The following PDE9A variants were observed in gnomAD, a reference collection of about 807,000 sequenced individuals.
PDE9A encodes high affinity cGMP-specific 3',5'-cyclic phosphodiesterase 9A.
A neutral mutation model predicts 87.4 loss-of-function variants in PDE9A; 60 were observed. The observed-to-expected ratio is 0.69, with a 90% CI of 0.56 to 0.85. The LOEUF (loss-of-function observed/expected upper bound fraction) is 0.85, where lower values mean the gene tolerates loss of function less well. PDE9A is among the 40% of genes least tolerant of loss of function. PDE9A has a pLI of 0.00. For synonymous variants in PDE9A, 272 were observed against 279.4 expected (o/e 0.97, Z 0.27); for missense variants, 665 against 779.0 (o/e 0.85, Z 1.74).
Position 42,732,130 on chromosome 21 carries a change from G to C in PDE9A, c.497+6G>C. 6.2e-7 allele frequency: 1 copy of C among 1,613,304 alleles called. No homozygotes were observed. Among genetic ancestry groups the C allele is most frequent in the Non-Finnish European group, 8.5e-7 (1 of 1,179,342 alleles). On this transcript the variant is annotated splice_donor_region_variant and intron_variant, in intron 6 of 19. Transcript: ENST00000291539. ...GTTGCAGAGCAGTTCTCAAGGTACA[G>C]AGTCTTCTAAACTTACAACCAGCCA...
intron 1 of PDE9A, among the ~76,000 whole-genome samples, chr21:42,679,806 A>G (rs1033293059): frequency 1.3e-5 from 2 of 152,198 alleles, no homozygotes; most frequent in African/African-American, 4.8e-5. Context: ...CCCTTAACCC[A>G]GAGGCCCTGG....
At chr21:42,724,632 G>T in intron 4 of PDE9A, 4 of 979,092 alleles carry the variant, frequency 4.1e-6, no homozygotes, top group Non-Finnish European at 2.4e-6. Flanking sequence ...ATATTCCATC[G>T]GTGTAAGTAC....
Position 42,759,106 on chromosome 21 carries a change from CGG to C in PDE9A, c.897+22_897+23del. The stretch of plus-strand genomic sequence containing the variant: ...GGCTGGTGAGTGCCAAACCCGCCTT[CGG>C]TTCTTCCTGGGCACGTGGTTTCATC... On this transcript the variant is annotated intron_variant, in intron 11 of 19. Coordinates refer to ENST00000291539, the MANE Select transcript of PDE9A (RefSeq NM_002606.3). This position sits in a 1 kb window ranked among gnomAD's most constrained non-coding sequence, Gnocchi z 7.2. 1 of 1,580,164 alleles carries C rather than the reference CGG, an allele frequency of 6.3e-7. No individual in the cohort carries two copies. The highest frequency in any genetic ancestry group is 8.7e-7 in the Non-Finnish European group (1 of 1,149,316).
At chr21:42,774,087 T>TATAA (rs1216817401) in intron 19 of PDE9A, among the ~76,000 whole-genome samples, 7 of 151,780 alleles carry the variant, frequency 4.6e-5, no homozygotes, top group Non-Finnish European at 1.0e-4. Context: ...TCAAAAAAAA[T>TATAA]ATAAATAAAT....
intron 15 of PDE9A, among the ~76,000 whole-genome samples, chr21:42,766,905 CA>C (rs2056459766): frequency 6.6e-6 from 1 of 152,206 alleles, no homozygotes; most frequent in East Asian, 1.9e-4. Context: ...GGCAGGATGC[CA>C]GAGGATCGGG....
intron 15 of PDE9A, among the ~76,000 whole-genome samples, chr21:42,766,279 C>T (rs754267951): frequency 2.0e-5 from 3 of 152,116 alleles, no homozygotes; most frequent in Non-Finnish European, 2.9e-5. Context: ...GAGCCATGGT[C>T]GTTCCACTGC....
intron 3 of PDE9A, among the ~76,000 whole-genome samples, chr21:42,690,750 G>A (rs2059781263): frequency 6.6e-6 from 1 of 151,942 alleles, no homozygotes; most frequent in South Asian, 2.1e-4. Context: ...TCTCCATGGT[G>A]GCCTCCCAAT....
In PDE9A at chr21:42,704,433, A is replaced by AACACACACAC. The variant is rs34581078; in HGVS notation, c.262+5450_262+5459dup. ...CAGGTAGACCCCCCCCACCCCACCA[A>AACACACACAC]ACACACACACACACACACACACACA... On this transcript the variant is annotated intron_variant, in intron 4 of 19. Coordinates refer to ENST00000291539, the MANE Select transcript of PDE9A (RefSeq NM_002606.3). This position sits in a 1 kb window ranked among gnomAD's most constrained non-coding sequence, Gnocchi z 5.3. Among the ~76,000 whole-genome samples, 7,659 of 137,004 alleles carry AACACACACAC rather than the reference A, an allele frequency of 0.056. 331 individuals are homozygous for AACACACACAC. The highest frequency in any genetic ancestry group is 0.16 in the East Asian group (734 of 4,578). 89.9% of individuals were successfully genotyped at this position (137,004 alleles called of 152,430 possible).
In PDE9A at chr21:42,759,382, C is replaced by CGTGT. The variant is rs34695329; in HGVS notation, c.897+309_897+312dup. Among the ~76,000 whole-genome samples, 12,948 of 149,134 alleles carry CGTGT rather than the reference C, an allele frequency of 0.087. 840 individuals are homozygous for CGTGT. Among genetic ancestry groups the CGTGT allele is most frequent in the African/African-American group, 0.19 (7,510 of 40,272 alleles). On this transcript the variant is annotated intron_variant, in intron 11 of 19. Transcript: ENST00000291539. This position sits in a 1 kb window ranked among gnomAD's most constrained non-coding sequence, Gnocchi z 7.2. ...GTCCTAAAGCAGCGGTGTGTGGGAG[C>CGTGT]GTGTGTGTGTGTGTGGGAGCGTGTG... is the stretch of plus-strand genomic sequence containing the variant.
At chr21:42,737,239 A>G in intron 7 of PDE9A, among the ~76,000 whole-genome samples, 1 of 152,376 alleles carries the variant, frequency 6.6e-6, no homozygotes, top group East Asian at 1.9e-4. Context: ...CTACATATGC[A>G]CACACACATA....
intron 1 of PDE9A, among the ~76,000 whole-genome samples, chr21:42,661,443 T>C (rs528317489): frequency 3.9e-4 from 51 of 131,082 alleles, no homozygotes; most frequent in African/African-American, 1.4e-3. Flanking sequence ...TCTATCTCCA[T>C]GAAACTGCTG....
At chr21:42,703,997 T>C (rs1376274489) in intron 4 of PDE9A, among the ~76,000 whole-genome samples, 2 of 152,190 alleles carry the variant, frequency 1.3e-5, no homozygotes, top group Non-Finnish European at 2.9e-5. Context: ...TTCAGGAGCA[T>C]TCGGCCCAGG....
At chr21:42,753,870 A>G (rs2147018163) in intron 9 of PDE9A, 120 bp from the exon 10 acceptor site, 2 of 600,254 alleles carry the variant, frequency 3.3e-6, no homozygotes, top group South Asian at 4.3e-5. Context: ...TCAAAAAAAA[A>G]AAAAAAAAGA....
rs756718972 is a variant in PDE9A, at chr21:42,770,721, G to A, written c.1609G>A (p.Glu537Lys). Residue 537 changes from glutamate (E) to lysine (K), a missense_variant, in exon 18 of 20, where the codon GAG (glutamate) becomes AAG (lysine). Transcript: ENST00000291539. ...TVTKLFPMVE[E>K]IMLQPLWESR... ...CTCCCAGCTCTTCCCCATGGTTGAG[G>A]AGATCATGCTGCAGCCACTTTGGGA... The A allele has an allele frequency of 6.2e-7, 1 of 1,613,838 alleles. No homozygotes were observed.
Position 42,712,558 on chromosome 21 carries a change from T to C in PDE9A, c.262+13547T>C, listed in dbSNP as rs376612113. 1.2e-4 allele frequency among the ~76,000 whole-genome samples: 19 copies of C among 152,338 alleles called. No individual in the cohort carries two copies. In the South Asian group the frequency reaches 1.9e-3, roughly 15 times the overall value. On this transcript the variant is annotated intron_variant, in intron 4 of 19. Coordinates refer to ENST00000291539, the MANE Select transcript of PDE9A (RefSeq NM_002606.3). ...TAGTTGAAACTGCAATACAGTTAAATAAAAGTGAGAGCAGACGTCCTCGCC... is the reference window on the plus strand; with the variant it reads ...TAGTTGAAACTGCAATACAGTTAAACAAAAGTGAGAGCAGACGTCCTCGCC...
rs1417047843 is a variant in PDE9A, at chr21:42,695,862, C to G, written c.219-3106C>G. Among the ~76,000 whole-genome samples the G allele has an allele frequency of 6.6e-6, 1 of 152,192 alleles. No individual in the cohort carries two copies. Among genetic ancestry groups the G allele is most frequent in the Non-Finnish European group, 1.5e-5 (1 of 68,040 alleles). On this transcript the variant is annotated intron_variant, in intron 3 of 19. Coordinates refer to ENST00000291539, the MANE Select transcript of PDE9A (RefSeq NM_002606.3). The surrounding 1 kb of genome is among the most constrained non-coding windows in gnomAD (Gnocchi z 4.3). ...AGACTGAGCCAAGAGTTGACTCATT[C>G]ATGGGAGCAACATAACGGGTTGTGA...
intron 1 of PDE9A, among the ~76,000 whole-genome samples, chr21:42,679,374 C>A (rs769800341): frequency 8.5e-5 from 13 of 152,208 alleles, no homozygotes; most frequent in Middle Eastern, 3.4e-3. Context: ...TCACGCCTCG[C>A]GTTCAGCGGC....
At chr21:42,773,761 A>T (rs1406784362) in intron 19 of PDE9A, among the ~76,000 whole-genome samples, 1 of 141,486 alleles carries the variant, frequency 7.1e-6, no homozygotes, top group Non-Finnish European at 1.6e-5. Flanking sequence ...AGATCGCGCC[A>T]CTGCACTCCA....
chr21:42,702,495 A>G lies in PDE9A; in HGVS notation c.262+3484A>G, dbSNP rs1334086529. Among the ~76,000 whole-genome samples, 1 of 151,470 alleles carries G rather than the reference A, an allele frequency of 6.6e-6. No individual in the cohort carries two copies. The highest frequency in any genetic ancestry group is 1.5e-5 in the Non-Finnish European group (1 of 67,892). On this transcript the variant is annotated intron_variant, in intron 4 of 19. Transcript: ENST00000291539. The surrounding 1 kb of genome is among the most constrained non-coding windows in gnomAD (Gnocchi z 4.9). ...GATTTATCTCCTGGGTATGGGTCATATTTTTCTGATTCTCGTGAATCTAGT... is the reference window on the plus strand; with the variant it reads ...GATTTATCTCCTGGGTATGGGTCATGTTTTTCTGATTCTCGTGAATCTAGT...
Sources: allele counts gnomAD v4.1 joint callset (sites outside exome capture counted in the v4.1 genomes callset), GRCh38; gene constraint gnomAD v4.1.1; non-coding constraint Gnocchi (gnomAD v3.1); transcripts MANE v1.5; gene names NCBI Gene and HGNC (gene_info 2026-07-23, HGNC 2026-07-21).